The following ERC1 variants were observed in gnomAD, a reference collection of about 807,000 sequenced individuals.
ERC1 encodes ELKS/RAB6-interacting/CAST family member 1.
ERC1 carries 56 observed loss-of-function variants against 132.0 expected under a neutral mutation model. The observed-to-expected ratio is 0.42, with a 90% confidence interval of 0.34 to 0.53. The LOEUF (loss-of-function observed/expected upper bound fraction) is 0.53. ERC1 is among the 20% of genes least tolerant of loss of function. The pLI is 0.03. For synonymous variants in ERC1, 478 were observed against 476.1 expected, an observed-to-expected ratio of 1.00 and a Z score of -0.05; for missense variants, 1,202 against 1,349.9, an observed-to-expected ratio of 0.89 and a Z score of 1.72.
intron 17 of ERC1, among the ~76,000 whole-genome samples, chr12:1,424,035 CGT>C (rs369499032): frequency 2.0e-4 from 30 of 150,236 alleles, no homozygotes; most frequent in African/African-American, 5.6e-4. Context: ...TGTGTATGTA[CGT>C]GTGTGTGTGT....
At chr12:1,020,022 A>G (rs1056367849) in intron 1 of ERC1, among the ~76,000 whole-genome samples, 1 of 152,024 alleles carries the variant, frequency 6.6e-6, no homozygotes, top group Non-Finnish European at 1.5e-5. Flanking sequence ...CCAAAGTGCT[A>G]GGATTACAGG....
chr12:1,059,467 C>T (rs547683854), intron 2 of ERC1, among the ~76,000 whole-genome samples: 1 of 152,232 alleles, frequency 6.6e-6, no homozygotes, highest in East Asian at 1.9e-4. Context: ...TGTTAGCTGT[C>T]ACTTTGTCAT....
intron 13 of ERC1, among the ~76,000 whole-genome samples, chr12:1,246,041 G>A (rs1351558605): frequency 6.6e-6 from 1 of 152,084 alleles, no homozygotes; most frequent in Non-Finnish European, 1.5e-5. Context: ...AGGGTGCTGG[G>A]ATTATAGGCG....
chr12:1,263,130 C>A lies in ERC1; in HGVS notation c.2584C>A (p.Gln862Lys), dbSNP rs777453141. 6.2e-7 allele frequency: 1 copy of A among 1,614,024 alleles called. No homozygotes were observed. The highest frequency in any genetic ancestry group is 1.7e-5 in the Admixed American group (1 of 60,024). ...TGCAGAGCGGGAAATGGTGCTAGCA[C>A]AAGAGGAATCAGCCAGGACCAATGC... ...ITAEREMVLA[Q>K]EESARTNAEK... The change falls in exon 14 of 19, where the codon CAA (glutamine) becomes AAA (lysine). Residue 862 changes from glutamine to lysine, a missense_variant. Gln to Lys is a moderately conservative substitution (Grantham distance 53, BLOSUM62 1). Transcript: ENST00000360905.
At chr12:1,165,034 GA>G (rs2154262731) in intron 8 of ERC1, among the ~76,000 whole-genome samples, 1 of 152,278 alleles carries the variant, frequency 6.6e-6, no homozygotes, top group East Asian at 1.9e-4. Flanking sequence ...AACAACTTAA[GA>G]GTTGTTTTAC....
At chr12:1,134,031 T>A (rs1593577431) in intron 7 of ERC1, among the ~76,000 whole-genome samples, 1 of 152,194 alleles carries the variant, frequency 6.6e-6, no homozygotes, top group African/African-American at 2.4e-5. Context: ...GAGTTTTACC[T>A]TGTTGGGTGC....
At chr12:1,019,984 G>C (rs868529556) in intron 1 of ERC1, among the ~76,000 whole-genome samples, 1 of 151,964 alleles carries the variant, frequency 6.6e-6, no homozygotes, top group South Asian at 2.1e-4. Context: ...TGAACTCCTA[G>C]ACTCAAGCAA....
At chr12:1,124,030 A>G (rs1475688174) in intron 7 of ERC1, among the ~76,000 whole-genome samples, 2 of 152,236 alleles carry the variant, frequency 1.3e-5, no homozygotes, top group African/African-American at 4.8e-5. Flanking sequence ...GGTGAAACAG[A>G]TAAATCAACA....
intron 2 of ERC1, among the ~76,000 whole-genome samples, chr12:1,069,071 G>A (rs1161471229): frequency 6.6e-6 from 1 of 152,146 alleles, no homozygotes; most frequent in African/African-American, 2.4e-5. Context: ...AATGAAGTGA[G>A]GGTTCTGCTA....
At chr12:1,189,085 T>C (rs909688645) in intron 11 of ERC1, among the ~76,000 whole-genome samples, 1 of 152,208 alleles carries the variant, frequency 6.6e-6, no homozygotes, top group Non-Finnish European at 1.5e-5. Context: ...TAAACAATTT[T>C]TTTTTCCAAT....
chr12:1,438,007 A>G (rs1320782554), intron 17 of ERC1, among the ~76,000 whole-genome samples: 2 of 152,046 alleles, frequency 1.3e-5, no homozygotes, highest in African/African-American at 4.8e-5. Flanking sequence ...AGATATTTCT[A>G]TTAGTAGTGA....
chr12:1,231,184 C>A (rs553039530), intron 12 of ERC1, among the ~76,000 whole-genome samples: 1 of 150,542 alleles, frequency 6.6e-6, no homozygotes, highest in South Asian at 2.1e-4. Flanking sequence ...TCCTTTCTAT[C>A]TTTTATATGT....
At chr12:1,122,595 A>G (rs200027006) in intron 7 of ERC1, among the ~76,000 whole-genome samples, 1 of 3,236 alleles carries the variant, frequency 3.1e-4, no homozygotes, top group Non-Finnish European at 3.5e-3. Flanking sequence ...CTCTATCTCT[A>G]TCTGTGTCTC....
intron 16 of ERC1, among the ~76,000 whole-genome samples, chr12:1,403,735 AATGGATTTGTGTGTACTTT>A (rs1226548469): frequency 1.3e-5 from 2 of 152,142 alleles, no homozygotes; most frequent in Non-Finnish European, 2.9e-5. Context: ...CTGCCTTGAA[AATGGATTTGTGTGTACTTT>A]ATTAGGATTT....
intron 1 of ERC1, among the ~76,000 whole-genome samples, chr12:1,000,865 G>A (rs895829912): frequency 8.6e-5 from 13 of 152,038 alleles, no homozygotes; most frequent in Non-Finnish European, 1.8e-4. Flanking sequence ...CCTTTTGAAG[G>A]AATTCTTTCT....
At chr12:1,069,383 G>T (rs757397391) in intron 2 of ERC1, among the ~76,000 whole-genome samples, 1 of 152,022 alleles carries the variant, frequency 6.6e-6, no homozygotes, top group Non-Finnish European at 1.5e-5. Context: ...GCTACCCAGC[G>T]GTTCTATTTC....
intron 18 of ERC1, among the ~76,000 whole-genome samples, chr12:1,473,218 A>G (rs1164919538): frequency 3.3e-5 from 5 of 152,156 alleles, no homozygotes; most frequent in South Asian, 2.1e-4. Context: ...AAGTAGAGAC[A>G]GGGTTTCACC....
chr12:1,333,862 TC>T (rs2083088855), intron 15 of ERC1, among the ~76,000 whole-genome samples: 1 of 152,206 alleles, frequency 6.6e-6, no homozygotes, highest in Admixed American at 6.5e-5. Context: ...TAATTTACAC[TC>T]CCGCCAACAA....
At chr12:1,075,240 A>C (rs1179183831) in intron 2 of ERC1, among the ~76,000 whole-genome samples, 1 of 152,154 alleles carries the variant, frequency 6.6e-6, no homozygotes, top group Non-Finnish European at 1.5e-5. Flanking sequence ...ATATCTGTGT[A>C]TAAGTTTTGA....
Sources: allele counts gnomAD v4.1 joint callset (sites outside exome capture counted in the v4.1 genomes callset), GRCh38; gene constraint gnomAD v4.1.1; transcripts MANE v1.5; gene names NCBI Gene and HGNC (gene_info 2026-07-23, HGNC 2026-07-21).